The following KCNK16 variants were observed in gnomAD, a reference collection of about 807,000 sequenced individuals.
KCNK16 encodes potassium channel subfamily K member 16.
Under a neutral mutation model 23.0 loss-of-function variants are expected in KCNK16, and 23 were observed. That is an observed-to-expected ratio of 1.00 (90% CI 0.72 to 1.41). KCNK16 has a LOEUF of 1.41. Ranked by LOEUF, KCNK16 falls within the 40% of genes most tolerant of loss-of-function variation. The pLI is 0.00. For missense variants in KCNK16, 327 were observed against 365.8 expected, an observed-to-expected ratio of 0.89 and a Z score of 0.87; for synonymous variants, 145 against 153.5, an observed-to-expected ratio of 0.94 and a Z score of 0.41.
intron 3 of KCNK16, 75 bp downstream of exon 3, chr6:39,317,711 C>T: frequency 7.0e-7 from 1 of 1,437,966 alleles, no homozygotes; most frequent in Non-Finnish European, 9.3e-7. Context: ...AACTCCATCT[C>T]AGCATCGGCT....
At position 39,322,439 on chromosome 6, in the gene KCNK16, C is replaced by T; in HGVS notation, c.102G>A (p.Leu34=). ...YLLLGATIFQ[L]LERQAEAQSR... Reference sequence around the variant, plus strand: ...ACTGAGCCTCCGCCTGCCTCTCTAGCAGCTGGAAGATAGTGGCACCGAGCA... The same window carrying T: ...ACTGAGCCTCCGCCTGCCTCTCTAGTAGCTGGAAGATAGTGGCACCGAGCA... Residue 34 remains leucine, a synonymous_variant, in exon 1 of 5, where the codon CTG becomes CTA. Transcript: ENST00000437525. The T allele has an allele frequency of 1.2e-6, 2 of 1,614,170 alleles. No individual in the cohort carries two copies. Among genetic ancestry groups the T allele is most frequent in the Admixed American group, 1.7e-5 (1 of 60,028 alleles).
chr6:39,314,883 G>T, downstream of KCNK16: 1 of 993,546 alleles, frequency 1.0e-6, no homozygotes, highest in Non-Finnish European at 1.5e-6. Context: ...CATGAGCTTG[G>T]GAGGTAAGAG....
In KCNK16 at chr6:39,316,512, C is replaced by T. The variant is rs1177789349; in HGVS notation, c.662-70G>A. 8 of 1,495,476 alleles carry T rather than the reference C, an allele frequency of 5.3e-6. No individual in the cohort carries two copies. The Admixed American group carries it at 6.4e-5, about 12-fold the overall frequency. 92.6% of individuals were successfully genotyped at this position (1,495,476 alleles called of 1,614,324 possible). The stretch of plus-strand genomic sequence containing the variant: ...TAGCCACCTCCAGTTTCCATAGGGA[C>T]CCTCACCAGCCAGGATGCTCTCTCC... On this transcript the variant is annotated intron_variant, in intron 4 of 4. Coordinates refer to ENST00000437525, the MANE Select transcript of KCNK16 (RefSeq NM_001135106.2).
chr6:39,315,903 G>T (rs926516483), downstream of KCNK16, among the ~76,000 whole-genome samples: 6 of 152,176 alleles, frequency 3.9e-5, no homozygotes, highest in Admixed American at 6.5e-5. Context: ...CTTTGTTTGT[G>T]TAAGGTCTCC....
At chr6:39,320,605 T>G (rs1762479157) in intron 1 of KCNK16, among the ~76,000 whole-genome samples, 1 of 152,248 alleles carries the variant, frequency 6.6e-6, no homozygotes. Flanking sequence ...AGTGTTCTTC[T>G]GCCACCCAGC....
At chr6:39,322,907 A>C, upstream of KCNK16, 1 of 232,948 alleles carries the variant, frequency 4.3e-6, no homozygotes, top group Non-Finnish European at 8.6e-6. Context: ...AGGTGTGCTC[A>C]CTCTGTCCAG....
At position 39,319,023 on chromosome 6, in the gene KCNK16, G is replaced by A; in HGVS notation, c.324C>T (p.Thr108=). 1 of 1,608,978 alleles carries A rather than the reference G, an allele frequency of 6.2e-7. No homozygotes were observed. Among genetic ancestry groups the A allele is most frequent in the Non-Finnish European group, 8.5e-7 (1 of 1,175,300 alleles). The change falls in exon 2 of 5, where the codon ACC becomes ACT. Residue 108 remains threonine (T), a synonymous_variant. Transcript: ENST00000437525. This position sits in a 1 kb window ranked among gnomAD's most constrained non-coding sequence, Gnocchi z 4.2. ...SFFFAGTVVT[T]IGYGNLAPST... The stretch of plus-strand genomic sequence containing the variant: ...TTCTCTACCCCAGCCCTTTACCTAT[G>A]GTAGTGACGACTGTGCCTGCAAAGA...
chr6:39,315,947 G>A (rs1762291359), downstream of KCNK16, among the ~76,000 whole-genome samples: 1 of 151,612 alleles, frequency 6.6e-6, no homozygotes, highest in South Asian at 2.1e-4. Flanking sequence ...GTGGAGATCT[G>A]GCCACTACCT....
intron 2 of KCNK16, among the ~76,000 whole-genome samples, chr6:39,318,572 T>C (rs1762407047): frequency 6.6e-6 from 1 of 152,178 alleles, no homozygotes; most frequent in Non-Finnish European, 1.5e-5. Context: ...AGTTCCTGTA[T>C]ACAAATCAAC....
rs780255730 is a variant in KCNK16, at chr6:39,316,407, G to A, written c.697C>T (p.Arg233Trp). 7.2e-5 allele frequency: 116 copies of A among 1,611,764 alleles called. 3 individuals are homozygous for A. The Middle Eastern group carries it at 0.011, about 159-fold the overall frequency. Residue 233 changes from arginine (R) to tryptophan (W), a missense_variant, in exon 5 of 5, where the codon CGG becomes TGG. Transcript: ENST00000437525. ...AGGATCCAGATGGCTGCCAGGCTCC[G>A]ATACACTGAGATATAATGCTTGCTG... The part of the protein sequence containing the change: ...DPSKHYISVY[R>W]SLAAIWILLG...
At chr6:39,314,765 T>C, downstream of KCNK16, 1 of 507,488 alleles carries the variant, frequency 2.0e-6, no homozygotes, top group Non-Finnish European at 3.4e-6. Flanking sequence ...TCGGGGGCTA[T>C]CTCCAAGGAC....
At chr6:39,320,742 C>T (rs1423203884) in intron 1 of KCNK16, among the ~76,000 whole-genome samples, 4 of 152,142 alleles carry the variant, frequency 2.6e-5, no homozygotes, top group Non-Finnish European at 4.4e-5. Context: ...TGCAATCAAG[C>T]GGATGGCCTC....
chr6:39,314,929 C>A (rs9471064), downstream of KCNK16: 6,938 of 1,446,300 alleles, frequency 4.8e-3, 149 homozygotes, highest in African/African-American at 0.059. Context: ...CTCCTTGCTT[C>A]TGAGAAGGCC....
At chr6:39,316,567 AG>A in intron 4 of KCNK16, 125 bp from the exon 5 acceptor site, 1 of 1,308,438 alleles carries the variant, frequency 7.6e-7, no homozygotes. Flanking sequence ...ACAGCAGTTG[AG>A]GTAGGTCTCT....
intron 2 of KCNK16, among the ~76,000 whole-genome samples, chr6:39,318,665 CA>C (rs1762410050): frequency 6.6e-6 from 1 of 152,174 alleles, no homozygotes; most frequent in Admixed American, 6.6e-5. Flanking sequence ...TGGGAAGTTT[CA>C]AAATGCTGGG....
chr6:39,315,210 CG>C (rs1562087059), downstream of KCNK16: 1 of 1,613,976 alleles, frequency 6.2e-7, no homozygotes, highest in South Asian at 1.1e-5. Context: ...TTCCAGGCCC[CG>C]GGATGGAGTG....
intron 2 of KCNK16, among the ~76,000 whole-genome samples, chr6:39,318,585 C>G (rs1013622838): frequency 6.6e-6 from 1 of 152,132 alleles, no homozygotes; most frequent in Non-Finnish European, 1.5e-5. Context: ...AAATCAACCC[C>G]CGCTCCCAGT....
In KCNK16 at chr6:39,319,323, GA is replaced by G. The variant is rs1441587121; in HGVS notation, c.214-191del. ...CTAAGTGACCTGTGCAAGGTGACTG[GA>G]CTCCAACTCCAGTGTCTGTTCCACT... is the stretch of plus-strand genomic sequence containing the variant. On this transcript the variant is annotated intron_variant, in intron 1 of 4. Coordinates refer to ENST00000437525, the MANE Select transcript of KCNK16 (RefSeq NM_001135106.2). The surrounding 1 kb of genome is among the most constrained non-coding windows in gnomAD (Gnocchi z 4.2). 2.6e-5 allele frequency among the ~76,000 whole-genome samples: 4 copies of G among 152,184 alleles called. No homozygotes were observed. The highest frequency in any genetic ancestry group is 5.9e-5 in the Non-Finnish European group (4 of 68,032).
intron 1 of KCNK16, among the ~76,000 whole-genome samples, chr6:39,322,052 G>A (rs1306244269): frequency 6.6e-6 from 1 of 152,242 alleles, no homozygotes; most frequent in East Asian, 1.9e-4. Context: ...GCTGTCAAAT[G>A]TCTGCAGTAC....
Sources: allele counts gnomAD v4.1 joint callset (sites outside exome capture counted in the v4.1 genomes callset), GRCh38; gene constraint gnomAD v4.1.1; non-coding constraint Gnocchi (gnomAD v3.1); transcripts MANE v1.5; gene names NCBI Gene and HGNC (gene_info 2026-07-23, HGNC 2026-07-21).